Variants in SLC44A5 observed in about 807,000 individuals in gnomAD.
SLC44A5 encodes solute carrier family 44 member 5.
In SLC44A5, 57 loss-of-function variants were observed where a neutral mutation model predicts 101.8. The observed-to-expected ratio is 0.56, with a 90% CI of 0.45 to 0.70. SLC44A5 has a LOEUF of 0.70. Ranked by LOEUF, SLC44A5 falls within the 30% of genes least tolerant of loss-of-function variation. The probability of loss-of-function intolerance (pLI) is 0.00; values close to 1 mark genes in which losing one functional copy is unlikely to be tolerated. For missense variants in SLC44A5, 737 were observed against 853.1 expected (o/e 0.86, Z 1.70); for synonymous variants, 281 against 290.9 (o/e 0.97, Z 0.35).
At chr1:75,701,604 G>T in the SLC44A5 span, among the ~76,000 whole-genome samples, 1 of 152,158 alleles carries the variant, frequency 6.6e-6, no homozygotes, top group Non-Finnish European at 1.5e-5. Context: ...CACAAGACAG[G>T]GATGTCCTCT....
chr1:75,714,053 C>T, the SLC44A5 span, among the ~76,000 whole-genome samples: 4 of 151,812 alleles, frequency 2.6e-5, no homozygotes, highest in Non-Finnish European at 5.9e-5. Context: ...CTGCCTTGGC[C>T]TCCCAAAGTG....
chr1:75,330,658 C>T (rs1656982896), intron 4 of SLC44A5, among the ~76,000 whole-genome samples: 1 of 152,032 alleles, frequency 6.6e-6, no homozygotes, highest in Non-Finnish European at 1.5e-5. Context: ...CTTCAGAAAG[C>T]TCTTCTTTGG....
chr1:75,617,633 T>G, the SLC44A5 span, among the ~76,000 whole-genome samples: 1 of 152,208 alleles, frequency 6.6e-6, no homozygotes, highest in Admixed American at 6.5e-5. Flanking sequence ...CCTCTCACAA[T>G]GAAGATGTGC....
At chr1:75,260,582 T>C (rs2100687587) in intron 6 of SLC44A5, among the ~76,000 whole-genome samples, 1 of 152,124 alleles carries the variant, frequency 6.6e-6, no homozygotes, top group African/African-American at 2.4e-5. Flanking sequence ...GTGGGAGACT[T>C]TAACACCCCA....
intron 3 of SLC44A5, among the ~76,000 whole-genome samples, chr1:75,354,977 A>G (rs1339569575): frequency 1.3e-5 from 2 of 152,136 alleles, no homozygotes; most frequent in Non-Finnish European, 2.9e-5. Context: ...GAGAAATATT[A>G]CTTCATTATG....
Position 75,229,446 on chromosome 1 carries a change from G to A in SLC44A5, c.854-1589C>T, listed in dbSNP as rs75670882. ...TACTCAGTACACCCATCCACACCAA[G>A]CTCTCAGCCACTTCTTCAACACACT... is the stretch of plus-strand genomic sequence containing the variant. On this transcript the variant is annotated intron_variant, in intron 12 of 23. Coordinates refer to ENST00000370859, the MANE Select transcript of SLC44A5 (RefSeq NM_001130058.2). 8.9e-3 allele frequency among the ~76,000 whole-genome samples: 1,356 copies of A among 152,124 alleles called. 29 individuals are homozygous for A. The highest frequency in any genetic ancestry group is 0.031 in the African/African-American group (1,288 of 41,478).
chr1:75,493,923 A>T (rs1025770781), intron 2 of SLC44A5, among the ~76,000 whole-genome samples: 3 of 152,224 alleles, frequency 2.0e-5, no homozygotes, highest in Non-Finnish European at 4.4e-5. Context: ...CTGGCTTTTA[A>T]CTAGCTTGTG....
chr1:75,688,564 C>A, the SLC44A5 span, among the ~76,000 whole-genome samples: 3 of 152,102 alleles, frequency 2.0e-5, no homozygotes, highest in Non-Finnish European at 2.9e-5. Flanking sequence ...ATTGCATGCT[C>A]ACTGCTTTCA....
At chr1:75,337,080 C>A (rs562942997) in intron 4 of SLC44A5, among the ~76,000 whole-genome samples, 27 of 152,152 alleles carry the variant, frequency 1.8e-4, no homozygotes, top group Non-Finnish European at 5.9e-5. Context: ...CATATGCTGA[C>A]TGTTTTGTCT....
At chr1:75,550,963 T>C (rs1671903914) in intron 1 of SLC44A5, among the ~76,000 whole-genome samples, 1 of 152,142 alleles carries the variant, frequency 6.6e-6, no homozygotes, top group Admixed American at 6.6e-5. Context: ...AAAATAGAAA[T>C]ATTAATAGTG....
At chr1:75,243,562 T>G (rs1409440764) in intron 7 of SLC44A5, among the ~76,000 whole-genome samples, 1 of 152,150 alleles carries the variant, frequency 6.6e-6, no homozygotes, top group East Asian at 1.9e-4. Context: ...AGACTTATTT[T>G]TAATTTTTGA....
the SLC44A5 span, among the ~76,000 whole-genome samples, chr1:75,676,160 T>A: frequency 6.6e-6 from 1 of 152,168 alleles, no homozygotes. Context: ...GAACTAGAAC[T>A]GGAAATACCG....
the SLC44A5 span, chr1:75,724,006 A>G: frequency 7.2e-5 from 11 of 152,158 alleles, no homozygotes; most frequent in Non-Finnish European, 1.3e-4. Context: ...TCAGGGAGAC[A>G]TTCACTTCCA....
At chr1:75,344,434 T>C (rs1658100893) in intron 3 of SLC44A5, among the ~76,000 whole-genome samples, 1 of 152,166 alleles carries the variant, frequency 6.6e-6, no homozygotes, top group Non-Finnish European at 1.5e-5. Context: ...CTGTAAATGT[T>C]ACCTAATATA....
chr1:75,236,917 G>T, intron 11 of SLC44A5, 70 bp downstream of exon 11: 1 of 792,638 alleles, frequency 1.3e-6, no homozygotes, highest in South Asian at 2.2e-5. Context: ...TATAAAATTT[G>T]AAGAAAGAGT....
At chr1:75,273,490 T>G (rs1468999221) in intron 6 of SLC44A5, among the ~76,000 whole-genome samples, 1 of 152,160 alleles carries the variant, frequency 6.6e-6, no homozygotes, top group Non-Finnish European at 1.5e-5. Context: ...TTTTCCCCAT[T>G]TAGTATGATC....
At chr1:75,232,817 T>C (rs889870809) in intron 12 of SLC44A5, among the ~76,000 whole-genome samples, 3 of 152,108 alleles carry the variant, frequency 2.0e-5, no homozygotes, top group Non-Finnish European at 4.4e-5. Context: ...CCAACAAACT[T>C]CCAAAGTTAC....
At chr1:75,221,961 T>TTC (rs1184196325) in intron 14 of SLC44A5, among the ~76,000 whole-genome samples, 1 of 73,856 alleles carries the variant, frequency 1.4e-5, no homozygotes, top group Non-Finnish European at 2.4e-5. Flanking sequence ...CTTCTTCTTC[T>TTC]TTTTTTTTTT....
chr1:75,324,721 A>T (rs59417829), intron 4 of SLC44A5, among the ~76,000 whole-genome samples: 2,954 of 152,188 alleles, frequency 0.019, 96 homozygotes, highest in Middle Eastern at 0.065. Context: ...GAAGAGGATC[A>T]TCTATTTTTT....
Sources: allele counts gnomAD v4.1 joint callset (sites outside exome capture counted in the v4.1 genomes callset), GRCh38; gene constraint gnomAD v4.1.1; transcripts MANE v1.5; gene names NCBI Gene and HGNC (gene_info 2026-07-23, HGNC 2026-07-21).